VPS37B: variants seen among roughly 807,000 people sequenced by gnomAD.
VPS37B encodes VPS37B subunit of ESCRT-I.
Under a neutral mutation model 21.2 loss-of-function variants are expected in VPS37B, and 11 were observed. The ratio of observed to expected loss-of-function variants is 0.52; its 90% CI spans 0.33 to 0.86. VPS37B has a LOEUF of 0.86. Among genes scored for constraint, VPS37B ranks in the 40% least tolerant of loss-of-function variants. The pLI, the probability that VPS37B is intolerant of heterozygous loss-of-function variation, is 0.03. For missense variants in VPS37B, 389 were observed against 374.8 expected, an observed-to-expected ratio of 1.04 and a Z score of -0.31; for synonymous variants, 175 against 159.6, an observed-to-expected ratio of 1.10 and a Z score of -0.73.
intron 1 of VPS37B, chr12:122,877,319 T>G (rs895346679): frequency 3.9e-5 from 6 of 152,242 alleles, no homozygotes; most frequent in Admixed American, 6.5e-5. Flanking sequence ...TACAGCATTC[T>G]CAGAAGGCAT....
intron 1 of VPS37B, chr12:122,871,485 T>C (rs2034033399): frequency 1.0e-6 from 1 of 988,756 alleles, no homozygotes; most frequent in Non-Finnish European, 1.2e-6. Context: ...AGGAGACCAG[T>C]TGGCATGATG....
chr12:122,888,687 C>T, intron 1 of VPS37B: 1 of 441,568 alleles, frequency 2.3e-6, no homozygotes, highest in Non-Finnish European at 4.6e-6. Flanking sequence ...CAGCCAGTCT[C>T]TAACAGGATG....
At position 122,890,542 on chromosome 12, in the gene VPS37B, G is replaced by T. The variant is rs150772476; in HGVS notation, c.111+5410C>A. On this transcript the variant is annotated intron_variant, in intron 1 of 3. Coordinates refer to ENST00000267202, the MANE Select transcript of VPS37B (RefSeq NM_024667.3). ...GGAGTTTCGCCATATTGCCCAGACT[G>T]GTCTCAAACTACGGGGCTTAAGTAA... 5.3e-5 allele frequency among the ~76,000 whole-genome samples: 8 copies of T among 152,030 alleles called. No individual in the cohort carries two copies. In the East Asian group the frequency reaches 1.4e-3, roughly 26 times the overall value.
chr12:122,866,792 C>G lies in VPS37B; in HGVS notation c.*324G>C, dbSNP rs934290850. ...TTAAATAAAGCTGCAACAGAAGGAC[C>G]ACGATTCTAAATGGGACTGGGGGAG... On this transcript the variant is annotated 3_prime_UTR_variant, in exon 4 of 4. Transcript: ENST00000267202. 3.3e-6 allele frequency: 1 copy of G among 300,314 alleles called. No individual in the cohort carries two copies. The highest frequency in any genetic ancestry group is 6.1e-6 in the Non-Finnish European group (1 of 163,612). The allele number at this position is 300,314 out of a possible 1,614,324, so 18.6% of individuals were successfully genotyped here.
At chr12:122,869,702 A>T (rs2033983998) in intron 2 of VPS37B, among the ~76,000 whole-genome samples, 1 of 152,178 alleles carries the variant, frequency 6.6e-6, no homozygotes, top group Non-Finnish European at 1.5e-5. Flanking sequence ...CTCAGCCTTC[A>T]GAGTAGGTGG....
chr12:122,871,321 G>A (rs1432771729), intron 1 of VPS37B: 2 of 1,197,848 alleles, frequency 1.7e-6, no homozygotes, highest in African/African-American at 1.6e-5. Flanking sequence ...GTGACTCCAT[G>A]CAGAGCCTTC....
In VPS37B at chr12:122,868,836, G is replaced by C. The variant is rs1288561840; in HGVS notation, c.284-274C>G. Among the ~76,000 whole-genome samples the C allele has an allele frequency of 1.3e-5, 2 of 152,084 alleles. No homozygotes were observed. The highest frequency in any genetic ancestry group is 6.5e-5 in the Admixed American group (1 of 15,274). ...CCACTTTGTATTTCCTTTATGTTTTGAGTGGTAACTTACATCGAGTATACA... is the reference window on the plus strand; with the variant it reads ...CCACTTTGTATTTCCTTTATGTTTTCAGTGGTAACTTACATCGAGTATACA... On this transcript the variant is annotated intron_variant, in intron 2 of 3. Transcript: ENST00000267202. This position sits in a 1 kb window ranked among gnomAD's most constrained non-coding sequence, Gnocchi z 5.5.
chr12:122,867,513 A>G lies in VPS37B; in HGVS notation c.461T>C (p.Val154Ala). 1 of 1,613,896 alleles carries G rather than the reference A, an allele frequency of 6.2e-7. No homozygotes were observed. The highest frequency in any genetic ancestry group is 2.2e-5 in the East Asian group (1 of 44,870). Residue 154 changes from valine (V) to alanine (A), a missense_variant, in exon 4 of 4, where the codon GTG (valine) becomes GCG (alanine). Transcript: ENST00000267202. The surrounding 1 kb of genome is among the most constrained non-coding windows in gnomAD (Gnocchi z 5.5). Reference protein sequence around the residue: ...SKRKLAHMRRVKIEKLQEMVL... With the variant: ...SKRKLAHMRRAKIEKLQEMVL... ...CATCTCCTGGAGCTTCTCGATTTTC[A>G]CCCGTCGCATGTGGGCCAGTTTCCG...
At chr12:122,871,761 C>T (rs2034039981) in intron 1 of VPS37B, 5 of 969,228 alleles carry the variant, frequency 5.2e-6, no homozygotes, top group African/African-American at 1.8e-5. Context: ...GAGAAGAAGC[C>T]ACATGCCCAG....
chr12:122,870,932 G>C lies in VPS37B; in HGVS notation c.241C>G (p.Gln81Glu). ...ATCTGATAGGCTTCAAAGAGAACCT[G>C]GAGTTCCTGGTATTTCTGGGTCAAG... ...ARLTQKYQELQVLFEAYQIKK... is the reference protein window; with the variant it reads ...ARLTQKYQELEVLFEAYQIKK... The change falls in exon 2 of 4, where the codon CAG (glutamine) becomes GAG (glutamate). Residue 81 changes from glutamine to glutamate, a missense_variant. Coordinates refer to ENST00000267202, the MANE Select transcript of VPS37B (RefSeq NM_024667.3). The C allele has an allele frequency of 1.2e-6, 2 of 1,614,170 alleles. No homozygotes were observed. Among genetic ancestry groups the C allele is most frequent in the Non-Finnish European group, 1.7e-6 (2 of 1,180,030 alleles).
intron 1 of VPS37B, among the ~76,000 whole-genome samples, chr12:122,895,709 C>G (rs1403676467): frequency 6.6e-6 from 1 of 151,898 alleles, no homozygotes; most frequent in African/African-American, 2.4e-5. Flanking sequence ...GACCCTTTTT[C>G]CCGCCTCCGC....
chr12:122,889,758 T>A (rs1270867160), intron 1 of VPS37B: 1 of 150,128 alleles, frequency 6.7e-6, no homozygotes, highest in East Asian at 1.9e-4. Context: ...TTCATCCGAC[T>A]GCTTCTCTGC....
In VPS37B at chr12:122,868,484, G is replaced by C. The variant is rs749701714; in HGVS notation, c.362C>G (p.Thr121Ser). The C allele has an allele frequency of 6.2e-6, 10 of 1,612,888 alleles. No individual in the cohort carries two copies. Among genetic ancestry groups the C allele is most frequent in the Non-Finnish European group, 7.6e-6 (9 of 1,179,790 alleles). ...ACCAAGGCTGGTGGGCTTTACCTCA[G>C]TGTCTTCCTCAATCTTGGCCCCTTC... ...QAEGAKIEED[T>S]ENMAEKFLDG... Residue 121 changes from threonine to serine, a missense_variant, in exon 3 of 4, where the codon ACT becomes AGT. Physicochemically the swap from Thr to Ser is moderately conservative, Grantham distance 58 (BLOSUM62 1). Transcript: ENST00000267202. The surrounding 1 kb of genome is among the most constrained non-coding windows in gnomAD (Gnocchi z 5.5).
intron 1 of VPS37B, chr12:122,889,072 C>T (rs1329211648): frequency 6.4e-6 from 1 of 156,730 alleles, no homozygotes; most frequent in Non-Finnish European, 1.4e-5. Flanking sequence ...ACTACCCAGG[C>T]ACATCCTGGG....
rs1296331162 is a variant in VPS37B, at chr12:122,868,812, C to T, written c.284-250G>A. 6.6e-6 allele frequency among the ~76,000 whole-genome samples: 1 copy of T among 152,154 alleles called. No homozygotes were observed. Among genetic ancestry groups the T allele is most frequent in the Non-Finnish European group, 1.5e-5 (1 of 68,024 alleles). ...TGGGGCAGTGACATTCTCATCATGC[C>T]ACTTTGTATTTCCTTTATGTTTTGA... On this transcript the variant is annotated intron_variant, in intron 2 of 3. Coordinates refer to ENST00000267202, the MANE Select transcript of VPS37B (RefSeq NM_024667.3). This position sits in a 1 kb window ranked among gnomAD's most constrained non-coding sequence, Gnocchi z 5.5.
In VPS37B at chr12:122,866,993, G is replaced by T; in HGVS notation, c.*123C>A. On this transcript the variant is annotated 3_prime_UTR_variant, in exon 4 of 4. Coordinates refer to ENST00000267202, the MANE Select transcript of VPS37B (RefSeq NM_024667.3). ...CCACTGACCTACAGTTCTAAAATCA[G>T]ACAGACACGCTGGCCCAGGGCCCCA... 1 of 1,279,624 alleles carries T rather than the reference G, an allele frequency of 7.8e-7. No homozygotes were observed. Among genetic ancestry groups the T allele is most frequent in the Non-Finnish European group, 1.0e-6 (1 of 971,986 alleles). 79.3% of individuals were successfully genotyped at this position (1,279,624 alleles called of 1,614,324 possible).
chr12:122,880,911 A>C (rs765286824), intron 1 of VPS37B: 5 of 152,238 alleles, frequency 3.3e-5, no homozygotes, highest in Non-Finnish European at 5.9e-5. Context: ...CTCCTACGTA[A>C]GGCACTGAGC....
intron 1 of VPS37B, chr12:122,876,445 C>T (rs1566127293): frequency 6.6e-6 from 1 of 152,168 alleles, no homozygotes; most frequent in Non-Finnish European, 1.5e-5. Context: ...CACGGTGGCT[C>T]GTACCTGTAA....
Position 122,868,492 on chromosome 12 carries a change from C to G in VPS37B, c.354G>C (p.Glu118Asp), listed in dbSNP as rs2135695670. The G allele has an allele frequency of 1.2e-6, 2 of 1,613,428 alleles. No homozygotes were observed. The highest frequency in any genetic ancestry group is 4.5e-5 in the East Asian group (2 of 44,870). ...ALLQAEGAKI[E>D]EDTENMAEKF... Reference sequence around the variant, plus strand: ...TGGTGGGCTTTACCTCAGTGTCTTCCTCAATCTTGGCCCCTTCTGCCTGAA... The same window carrying G: ...TGGTGGGCTTTACCTCAGTGTCTTCGTCAATCTTGGCCCCTTCTGCCTGAA... The change falls in exon 3 of 4, where the codon GAG becomes GAC. Residue 118 changes from glutamate (E) to aspartate (D), a missense_variant. Transcript: ENST00000267202. This position sits in a 1 kb window ranked among gnomAD's most constrained non-coding sequence, Gnocchi z 5.5.
Sources: allele counts gnomAD v4.1 joint callset (sites outside exome capture counted in the v4.1 genomes callset), GRCh38; gene constraint gnomAD v4.1.1; non-coding constraint Gnocchi (gnomAD v3.1); transcripts MANE v1.5; gene names NCBI Gene and HGNC (gene_info 2026-07-23, HGNC 2026-07-21).